Variants in CNOT6L observed in about 807,000 individuals in gnomAD.
The protein encoded by CNOT6L is CCR4-NOT transcription complex subunit 6-like.
CNOT6L carries 7 observed loss-of-function variants against 64.0 expected under a neutral mutation model. The observed-to-expected ratio is 0.11, with a 90% CI of 0.06 to 0.21. The LOEUF (loss-of-function observed/expected upper bound fraction) is 0.21. CNOT6L is among the 10% of genes least tolerant of loss of function. CNOT6L has a pLI of 1.00. For missense variants in CNOT6L, 245 were observed against 669.0 expected (o/e 0.37, Z 6.99); for synonymous variants, 193 against 243.4 (o/e 0.79, Z 1.93).
intron 4 of CNOT6L, 50 bp from the exon 5 acceptor site, chr4:77,757,001 A>C (rs1379493693): frequency 1.1e-6 from 1 of 912,634 alleles, no homozygotes; most frequent in East Asian, 2.6e-5. Flanking sequence ...ACTGCAAGGC[A>C]AGACAGAAAT....
chr4:77,724,200 A>C (rs1262140980), intron 11 of CNOT6L, among the ~76,000 whole-genome samples: 7 of 151,378 alleles, frequency 4.6e-5, no homozygotes, highest in Non-Finnish European at 8.8e-5. Flanking sequence ...AAATACAAAA[A>C]TTAGCCAGGC....
intron 5 of CNOT6L, among the ~76,000 whole-genome samples, chr4:77,751,473 A>T (rs567591646): frequency 5.9e-5 from 9 of 152,314 alleles, no homozygotes; most frequent in Admixed American, 1.3e-4. Context: ...TGGAGCTAAA[A>T]AAGTATTCTA....
intron 1 of CNOT6L, among the ~76,000 whole-genome samples, chr4:77,807,063 G>C (rs979041183): frequency 2.8e-4 from 42 of 152,104 alleles, no homozygotes; most frequent in African/African-American, 9.9e-4. Context: ...TTTTAATAGA[G>C]AGGGGATTTC....
At chr4:77,728,362 C>T (rs975146272) in intron 10 of CNOT6L, among the ~76,000 whole-genome samples, 6 of 152,218 alleles carry the variant, frequency 3.9e-5, no homozygotes, top group African/African-American at 1.4e-4. Context: ...AATCCCTCCC[C>T]GCTCTAGCTT....
At chr4:77,755,223 GTTTTTTTTTTTTTT>G (rs869054667) in intron 5 of CNOT6L, among the ~76,000 whole-genome samples, 3 of 70,392 alleles carry the variant, frequency 4.3e-5, no homozygotes, top group South Asian at 7.5e-4. Flanking sequence ...AGAGACAAGA[GTTTTTTTTTTTTTT>G]TTTTTTTTTT....
Position 77,768,470 on chromosome 4 carries a change from AATAAATATATATATATATATATATAT to A in CNOT6L, c.400+4585_400+4610del, listed in dbSNP as rs1426334391. On this transcript the variant is annotated intron_variant, in intron 4 of 11. Transcript: ENST00000504123. ...ACAGAGTGAGACTCTGTCTAAAATAAATAAATATATATATATATATATATATATATATATATATATATATATTCTAC... is the reference window on the plus strand; with the variant it reads ...ACAGAGTGAGACTCTGTCTAAAATAAATATATATATATATATATATTCTAC... Among the ~76,000 whole-genome samples the A allele has an allele frequency of 2.0e-3, 268 of 134,290 alleles. 8 individuals are homozygous for A. Among genetic ancestry groups the A allele is most frequent in the East Asian group, 0.02 (94 of 4,800 alleles). 88.1% of individuals were successfully genotyped at this position (134,290 alleles called of 152,430 possible). A position where few individuals can be genotyped will look rare whatever the true frequency, so the allele number is the denominator to read the frequency against.
rs1421018625 is a variant in CNOT6L, at chr4:77,717,974, T to C, written c.*2457A>G. On this transcript the variant is annotated 3_prime_UTR_variant, in exon 12 of 12. Transcript: ENST00000504123. Reference sequence around the variant, plus strand: ...AGCAGAGAGAACCCAATTACACACCTTCCTGCAACAGAGTGCCTCGATCAT... The same window carrying C: ...AGCAGAGAGAACCCAATTACACACCCTCCTGCAACAGAGTGCCTCGATCAT... The C allele has an allele frequency of 1.3e-5, 2 of 152,588 alleles. No individual in the cohort carries two copies. The highest frequency in any genetic ancestry group is 1.3e-4 in the Admixed American group (2 of 15,260). The allele number at this position is 152,588 out of a possible 1,614,324, so 9.5% of individuals were successfully genotyped here. A position where few individuals can be genotyped will look rare whatever the true frequency, so the allele number is the denominator to read the frequency against.
At position 77,715,923 on chromosome 4, in the gene CNOT6L, T is replaced by C. The variant is rs1720703976; in HGVS notation, c.*4508A>G. On this transcript the variant is annotated 3_prime_UTR_variant, in exon 12 of 12. Coordinates refer to ENST00000504123, the MANE Select transcript of CNOT6L (RefSeq NM_144571.3). ...TTTGAATTAATTTTGGTGATCATGA[T>C]GCTATTACAAAATTAGAATCGCCCA... 1 of 152,502 alleles carries C rather than the reference T, an allele frequency of 6.6e-6. No individual in the cohort carries two copies. The highest frequency in any genetic ancestry group is 1.5e-5 in the Non-Finnish European group (1 of 67,928). The allele number at this position is 152,502 out of a possible 1,614,324, so 9.4% of individuals were successfully genotyped here.
At position 77,742,459 on chromosome 4, in the gene CNOT6L, T is replaced by A. The variant is rs934474970; in HGVS notation, c.718-164A>T. 6 of 726,314 alleles carry A rather than the reference T, an allele frequency of 8.3e-6. No homozygotes were observed. In the African/African-American group the frequency reaches 1.1e-4, roughly 13 times the overall value. The allele number at this position is 726,314 out of a possible 1,614,324, so 45.0% of individuals were successfully genotyped here. A position where few individuals can be genotyped will look rare whatever the true frequency, so the allele number is the denominator to read the frequency against. On this transcript the variant is annotated intron_variant, in intron 7 of 11. Coordinates refer to ENST00000504123, the MANE Select transcript of CNOT6L (RefSeq NM_144571.3). Reference sequence around the variant, plus strand: ...ATTGCTAGCAGCTGCTACTTGACAATGGCAGCTTTTTAAACATGAAAGAAC... The same window carrying A: ...ATTGCTAGCAGCTGCTACTTGACAAAGGCAGCTTTTTAAACATGAAAGAAC...
At chr4:77,813,057 A>G (rs974348829) in intron 1 of CNOT6L, among the ~76,000 whole-genome samples, 3 of 152,154 alleles carry the variant, frequency 2.0e-5, no homozygotes, top group Non-Finnish European at 2.9e-5. Flanking sequence ...CTTACAGTTA[A>G]TTAATTTTGG....
At chr4:77,802,668 G>C (rs1046520756) in intron 1 of CNOT6L, among the ~76,000 whole-genome samples, 1 of 152,102 alleles carries the variant, frequency 6.6e-6, no homozygotes, top group African/African-American at 2.4e-5. Context: ...GTGGCCAGAT[G>C]GTATGCTAGA....
intron 1 of CNOT6L, among the ~76,000 whole-genome samples, chr4:77,796,362 G>A (rs1730850165): frequency 1.3e-5 from 2 of 152,054 alleles, no homozygotes; most frequent in African/African-American, 4.8e-5. Context: ...GTGCTTGGTG[G>A]GAAGTGATTG....
At chr4:77,731,314 C>CT (rs1722424101) in intron 9 of CNOT6L, 73 bp downstream of exon 9, 1 of 1,450,196 alleles carries the variant, frequency 6.9e-7, no homozygotes, top group East Asian at 2.3e-5. Context: ...GCAAAATTCT[C>CT]TTCACTTGTT....
At chr4:77,725,013 G>A (rs1030452352) in intron 11 of CNOT6L, among the ~76,000 whole-genome samples, 3 of 152,148 alleles carry the variant, frequency 2.0e-5, no homozygotes, top group African/African-American at 7.2e-5. Flanking sequence ...CCACAAATCA[G>A]AGCTTTTTCC....
chr4:77,774,449 C>T (rs1451896491), intron 3 of CNOT6L, 81 bp downstream of exon 3: 2 of 1,112,806 alleles, frequency 1.8e-6, no homozygotes, highest in East Asian at 2.5e-5. Flanking sequence ...CACAGAAATC[C>T]TACTGTAATA....
At chr4:77,747,236 C>T (rs550885306) in intron 6 of CNOT6L, among the ~76,000 whole-genome samples, 1 of 152,218 alleles carries the variant, frequency 6.6e-6, no homozygotes, top group East Asian at 1.9e-4. Context: ...AATCTTGGCT[C>T]ACTGTATGTA....
intron 5 of CNOT6L, among the ~76,000 whole-genome samples, chr4:77,752,815 A>G (rs1479142483): frequency 6.6e-6 from 1 of 151,980 alleles, no homozygotes; most frequent in Non-Finnish European, 1.5e-5. Context: ...TAAGCTAGAA[A>G]AAGAATACCA....
rs1720849924 is a variant in CNOT6L at position 77,717,336 on chromosome 4, AT to A, written c.*3094del. 1 of 152,506 alleles carries A rather than the reference AT, an allele frequency of 6.6e-6. No individual in the cohort carries two copies. The highest frequency in any genetic ancestry group is 1.5e-5 in the Non-Finnish European group (1 of 68,002). The allele number at this position is 152,506 out of a possible 1,614,324, so 9.4% of individuals were successfully genotyped here. A position where few individuals can be genotyped will look rare whatever the true frequency, so the allele number is the denominator to read the frequency against. On this transcript the variant is annotated 3_prime_UTR_variant, in exon 12 of 12. Coordinates refer to ENST00000504123, the MANE Select transcript of CNOT6L (RefSeq NM_144571.3). ...AGTGGGTGACTTGACATGCACTTGT[AT>A]GACTGTAATAATGGCAAACAGTACA...
chr4:77,731,112 A>G (rs1382804803), intron 9 of CNOT6L, among the ~76,000 whole-genome samples: 2 of 152,106 alleles, frequency 1.3e-5, no homozygotes, highest in Non-Finnish European at 2.9e-5. Flanking sequence ...AATATTCCCT[A>G]TTTAAAAGAA....
Sources: allele counts gnomAD v4.1 joint callset (sites outside exome capture counted in the v4.1 genomes callset), GRCh38; gene constraint gnomAD v4.1.1; transcripts MANE v1.5; gene names NCBI Gene and HGNC (gene_info 2026-07-23, HGNC 2026-07-21).